DNAI4: variants seen among roughly 807,000 people sequenced by gnomAD.
The protein encoded by DNAI4 is WD repeat domain 78.
In DNAI4, 85 loss-of-function variants were observed where a neutral mutation model predicts 105.8. The observed-to-expected ratio is 0.80, with a 90% CI of 0.67 to 0.96. The LOEUF is 0.96. DNAI4 is among the 40% of genes least tolerant of loss of function. DNAI4 has a pLI of 0.00. For synonymous variants in DNAI4, 352 were observed against 331.5 expected, an observed-to-expected ratio of 1.06 and a Z score of -0.67; for missense variants, 1,014 against 1,005.6, an observed-to-expected ratio of 1.01 and a Z score of -0.11.
At chr1:66,893,590 A>T (rs986087357) in intron 2 of DNAI4, among the ~76,000 whole-genome samples, 177 bp from the exon 3 acceptor site, 1 of 152,200 alleles carries the variant, frequency 6.6e-6, no homozygotes, top group African/African-American at 2.4e-5. Context: ...TTTCTTAATT[A>T]TGCAAAAACT....
At chr1:66,848,035 G>A (rs1048274516) in intron 7 of DNAI4, 1 of 368,464 alleles carries the variant, frequency 2.7e-6, no homozygotes, top group Non-Finnish European at 5.2e-6. Flanking sequence ...ATTGTATTAA[G>A]TTTTCTCTTG....
chr1:66,869,695 T>A (rs1646801332), intron 6 of DNAI4, among the ~76,000 whole-genome samples: 1 of 152,188 alleles, frequency 6.6e-6, no homozygotes, highest in Non-Finnish European at 1.5e-5. Context: ...TTACTGATAA[T>A]GTTTAGATTG....
chr1:66,867,786 A>G (rs1050940570), intron 6 of DNAI4, among the ~76,000 whole-genome samples: 4 of 152,170 alleles, frequency 2.6e-5, no homozygotes, highest in Admixed American at 2.6e-4. Context: ...TATAAATATT[A>G]GTATCTTATA....
intron 7 of DNAI4, among the ~76,000 whole-genome samples, chr1:66,852,092 G>A (rs907678311): frequency 5.3e-5 from 8 of 151,754 alleles, no homozygotes; most frequent in South Asian, 2.1e-4. Flanking sequence ...TCCTACAGAC[G>A]TCAAAGTGAT....
At chr1:66,881,285 C>T (rs529892048) in intron 4 of DNAI4, among the ~76,000 whole-genome samples, 47 of 152,300 alleles carry the variant, frequency 3.1e-4, no homozygotes, top group Middle Eastern at 3.4e-3. Flanking sequence ...TCCTCCAGAC[C>T]CCAGAATGGT....
At chr1:66,851,471 T>C (rs1354997001) in intron 7 of DNAI4, among the ~76,000 whole-genome samples, 1 of 151,908 alleles carries the variant, frequency 6.6e-6, no homozygotes, top group African/African-American at 2.4e-5. Context: ...AATATTTATA[T>C]AATATTCCAC....
chr1:66,846,365 T>G (rs1467935317), intron 8 of DNAI4, among the ~76,000 whole-genome samples: 1 of 152,218 alleles, frequency 6.6e-6, no homozygotes, highest in East Asian at 1.9e-4. Flanking sequence ...ACCATATAGA[T>G]TAATTTTGAC....
rs142293304 is a variant in DNAI4, at chr1:66,836,323, A to G, written c.1582-546T>C. 3.8e-3 allele frequency among the ~76,000 whole-genome samples: 463 copies of G among 123,252 alleles called. 2 individuals are homozygous for G. Among genetic ancestry groups the G allele is most frequent in the African/African-American group, 9.6e-3 (304 of 31,574 alleles). The allele number at this position is 123,252 out of a possible 152,430, so 80.9% of individuals were successfully genotyped here. A position where few individuals can be genotyped will look rare whatever the true frequency, so the allele number is the denominator to read the frequency against. On this transcript the variant is annotated intron_variant, in intron 10 of 16. Transcript: ENST00000371026. ...AAGAAAGAAAGAAAGAAAGAAAGAA[A>G]GAAGGAAAGAGGGAAGGAAGGGAGG...
chr1:66,916,535 T>C (rs1650085850), intron 1 of DNAI4, among the ~76,000 whole-genome samples: 2 of 152,160 alleles, frequency 1.3e-5, no homozygotes, highest in African/African-American at 4.8e-5. Flanking sequence ...CATTCAACTC[T>C]TCAAGGTCCC....
chr1:66,901,969 T>C (rs1282346757), intron 2 of DNAI4, among the ~76,000 whole-genome samples: 3 of 152,150 alleles, frequency 2.0e-5, no homozygotes, highest in Non-Finnish European at 2.9e-5. Flanking sequence ...CATTTTCTTA[T>C]AGAGATGGGG....
At chr1:66,903,794 T>C (rs1649028796) in intron 2 of DNAI4, among the ~76,000 whole-genome samples, 1 of 152,170 alleles carries the variant, frequency 6.6e-6, no homozygotes, top group Non-Finnish European at 1.5e-5. Flanking sequence ...CATGCCCAGC[T>C]GGATGCTTTT....
chr1:66,887,072 C>G (rs543169409), intron 4 of DNAI4, among the ~76,000 whole-genome samples: 1 of 152,114 alleles, frequency 6.6e-6, no homozygotes, highest in South Asian at 2.1e-4. Context: ...ATCCTCAGCT[C>G]AGATCCTCAC....
At chr1:66,846,314 G>T (rs1646273547) in intron 8 of DNAI4, among the ~76,000 whole-genome samples, 1 of 152,176 alleles carries the variant, frequency 6.6e-6, no homozygotes, top group East Asian at 1.9e-4. Flanking sequence ...ACAACCATTT[G>T]TCACACATAC....
chr1:66,814,740 T>G (rs1645482709), intron 16 of DNAI4, among the ~76,000 whole-genome samples: 1 of 152,222 alleles, frequency 6.6e-6, no homozygotes, highest in African/African-American at 2.4e-5. Context: ...TGGCAGCTCC[T>G]ATTTAACCTT....
chr1:66,876,873 A>G (rs1376822704), intron 4 of DNAI4, among the ~76,000 whole-genome samples: 2 of 152,152 alleles, frequency 1.3e-5, no homozygotes, highest in South Asian at 2.1e-4. Context: ...TAGTATGACA[A>G]TCATGGCTCC....
intron 2 of DNAI4, among the ~76,000 whole-genome samples, chr1:66,903,310 ATCTTTT>A (rs1163842614): frequency 1.3e-5 from 2 of 152,114 alleles, no homozygotes; most frequent in East Asian, 1.9e-4. Flanking sequence ...TGTAAATGCA[ATCTTTT>A]TCTTAATTTC....
intron 1 of DNAI4, among the ~76,000 whole-genome samples, chr1:66,911,038 T>C (rs1231349788): frequency 6.6e-6 from 1 of 152,162 alleles, no homozygotes; most frequent in Admixed American, 6.5e-5. Context: ...TCTCAGATCC[T>C]ACAGGCAGAG....
intron 15 of DNAI4, among the ~76,000 whole-genome samples, chr1:66,825,471 G>T (rs571951847): frequency 6.6e-6 from 1 of 152,146 alleles, no homozygotes; most frequent in South Asian, 2.1e-4. Flanking sequence ...GTGAGCCACC[G>T]CGCACGGCCT....
intron 8 of DNAI4, among the ~76,000 whole-genome samples, chr1:66,844,041 G>A (rs896535146): frequency 4.3e-5 from 5 of 115,176 alleles, no homozygotes; most frequent in Non-Finnish European, 8.3e-5. Flanking sequence ...TCCCAGAGTG[G>A]GAACAACTCT....
Sources: allele counts gnomAD v4.1 joint callset (sites outside exome capture counted in the v4.1 genomes callset), GRCh38; gene constraint gnomAD v4.1.1; transcripts MANE v1.5; gene names NCBI Gene and HGNC (gene_info 2026-07-23, HGNC 2026-07-21).